The following SCARB2 variants were observed in gnomAD, a reference collection of about 807,000 sequenced individuals.
The protein encoded by SCARB2 is scavenger receptor class B member 2.
SCARB2 carries 29 observed loss-of-function variants against 58.6 expected under a neutral mutation model. The observed-to-expected ratio is 0.49, with a 90% CI of 0.37 to 0.67. The LOEUF is 0.67. Among genes scored for constraint, SCARB2 ranks in the 30% least tolerant of loss-of-function variants. SCARB2 has a pLI of 0.00. For synonymous variants in SCARB2, 195 were observed against 210.1 expected (o/e 0.93, Z 0.62); for missense variants, 488 against 578.5 (o/e 0.84, Z 1.60).
intron 1 of SCARB2, among the ~76,000 whole-genome samples, chr4:76,221,084 C>A (rs1293522821): frequency 6.6e-6 from 1 of 152,182 alleles, no homozygotes; most frequent in Non-Finnish European, 1.5e-5. Context: ...CTGCCTGGCA[C>A]CATGCAATCT....
intron 1 of SCARB2, among the ~76,000 whole-genome samples, chr4:76,202,718 C>T (rs185070736): frequency 6.2e-4 from 95 of 152,240 alleles, no homozygotes; most frequent in Non-Finnish European, 1.2e-3. Context: ...GTTTATTTCC[C>T]TCTGGTCTAG....
intron 1 of SCARB2, among the ~76,000 whole-genome samples, chr4:76,196,129 G>A (rs555111552): frequency 1.8e-4 from 27 of 152,296 alleles, no homozygotes; most frequent in Admixed American, 4.6e-4. Flanking sequence ...AGGCCAAGGC[G>A]GGCAGATCAC....
intron 4 of SCARB2, among the ~76,000 whole-genome samples, chr4:76,177,923 T>C (rs1732286941): frequency 6.6e-6 from 1 of 152,200 alleles, no homozygotes; most frequent in Non-Finnish European, 1.5e-5. Flanking sequence ...GTTTCTTTTT[T>C]GGGATAATGA....
At position 76,161,048 on chromosome 4, in the gene SCARB2, A is replaced by C. The variant is rs772445328; in HGVS notation, c.*665T>G. The C allele has an allele frequency of 3.9e-5, 6 of 152,918 alleles. No individual in the cohort carries two copies. Among genetic ancestry groups the C allele is most frequent in the Non-Finnish European group, 7.3e-5 (5 of 68,414 alleles). 9.5% of individuals were successfully genotyped at this position (152,918 alleles called of 1,614,324 possible). On this transcript the variant is annotated 3_prime_UTR_variant, in exon 12 of 12. Coordinates refer to ENST00000264896, the MANE Select transcript of SCARB2 (RefSeq NM_005506.4). ...AAAGTACAAGTTAAAAATCCTTAGGAGCTTATCACTATCAACTCATGGGTA... is the reference window on the plus strand; with the variant it reads ...AAAGTACAAGTTAAAAATCCTTAGGCGCTTATCACTATCAACTCATGGGTA...
At chr4:76,167,857 T>C (rs1732046528) in intron 9 of SCARB2, among the ~76,000 whole-genome samples, 1 of 152,026 alleles carries the variant, frequency 6.6e-6, no homozygotes. Flanking sequence ...AATTTTTGTA[T>C]TTTTAGTAGA....
In SCARB2 at chr4:76,159,969, A is replaced by G. The variant is rs1032246616; in HGVS notation, c.*1744T>C. On this transcript the variant is annotated 3_prime_UTR_variant, in exon 12 of 12. Transcript: ENST00000264896. The stretch of plus-strand genomic sequence containing the variant: ...CCAATTATCTAGTTAAATGTTGATA[A>G]ATTCTAAAAATGTAGATATTTAGCA... 6.6e-6 allele frequency: 1 copy of G among 152,212 alleles called. No individual in the cohort carries two copies. The highest frequency in any genetic ancestry group is 2.4e-5 in the African/African-American group (1 of 41,446). The allele number at this position is 152,212 out of a possible 1,614,324, so 9.4% of individuals were successfully genotyped here. A position where few individuals can be genotyped will look rare whatever the true frequency, so the allele number is the denominator to read the frequency against.
intron 1 of SCARB2, among the ~76,000 whole-genome samples, chr4:76,210,318 G>GA (rs1327426509): frequency 6.6e-6 from 1 of 151,860 alleles, no homozygotes; most frequent in Non-Finnish European, 1.5e-5. Flanking sequence ...CTTAGGGACA[G>GA]AAAAAAAATG....
intron 9 of SCARB2, among the ~76,000 whole-genome samples, chr4:76,167,881 C>T (rs1407047288): frequency 6.6e-6 from 1 of 152,048 alleles, no homozygotes; most frequent in Non-Finnish European, 1.5e-5. Context: ...GAGGTTTCAC[C>T]ATGTTGGCCA....
intron 7 of SCARB2, 146 bp from the exon 8 acceptor site, chr4:76,170,131 C>T (rs1252775358): frequency 7.3e-6 from 5 of 681,724 alleles, no homozygotes; most frequent in Non-Finnish European, 1.3e-5. Flanking sequence ...AAAACACCAT[C>T]CTTTACCTCC....
chr4:76,208,298 T>C (rs1446602009), intron 1 of SCARB2, among the ~76,000 whole-genome samples: 2 of 152,206 alleles, frequency 1.3e-5, no homozygotes, highest in African/African-American at 2.4e-5. Context: ...ATAAACTTAA[T>C]ATGATTTTGA....
chr4:76,217,791 T>C (rs1482511532), upstream of SCARB2: 1 of 407,174 alleles, frequency 2.5e-6, no homozygotes, highest in East Asian at 3.5e-5. Flanking sequence ...CAGAAGACTT[T>C]ATCTGAGAAG....
At position 76,163,444 on chromosome 4, in the gene SCARB2, G is replaced by A; in HGVS notation, c.1240-61C>T. On this transcript the variant is annotated intron_variant, in intron 10 of 11. Transcript: ENST00000264896. ...AACATCCAGTGTGTAACTGTTTTTTGCTATATCTTTCCTTTGTTTAATACA... is the reference window on the plus strand; with the variant it reads ...AACATCCAGTGTGTAACTGTTTTTTACTATATCTTTCCTTTGTTTAATACA... The A allele has an allele frequency of 2.5e-6, 4 of 1,584,384 alleles. No individual in the cohort carries two copies. In the South Asian group the frequency reaches 4.4e-5, roughly 18 times the overall value.
Position 76,173,934 on chromosome 4 carries a change from T to C in SCARB2, c.994+210A>G, listed in dbSNP as rs1162136183. On this transcript the variant is annotated intron_variant, in intron 7 of 11. Coordinates refer to ENST00000264896, the MANE Select transcript of SCARB2 (RefSeq NM_005506.4). ...ATTGGGCTGACAATATATTCTTTTT[T>C]GTTTGTTTTGTTTTTTAGAGACAGT... The C allele has an allele frequency of 8.0e-6, 5 of 625,268 alleles. No homozygotes were observed. In the Admixed American group the frequency reaches 1.0e-4, roughly 13 times the overall value. 38.7% of individuals were successfully genotyped at this position (625,268 alleles called of 1,614,324 possible). A position where few individuals can be genotyped will look rare whatever the true frequency, so the allele number is the denominator to read the frequency against.
chr4:76,222,843 C>T (rs1241962957), intron 1 of SCARB2, among the ~76,000 whole-genome samples: 1 of 152,144 alleles, frequency 6.6e-6, no homozygotes, highest in Admixed American at 6.5e-5. Context: ...CCATGGAGGA[C>T]TAGTAAGCCC....
At chr4:76,191,758 C>G (rs1732611662) in intron 2 of SCARB2, 2 of 136,358 alleles carry the variant, frequency 1.5e-5, no homozygotes, top group Non-Finnish European at 3.0e-5. Context: ...CTCCCTCCCT[C>G]CCTGTCTTTC....
intron 2 of SCARB2, among the ~76,000 whole-genome samples, chr4:76,186,422 T>C (rs562193423): frequency 1.4e-4 from 22 of 151,946 alleles, no homozygotes; most frequent in African/African-American, 5.1e-4. Context: ...AAAGGAGTAC[T>C]GAAGTCCTAG....
At chr4:76,213,367 C>G in intron 1 of SCARB2, 60 bp downstream of exon 1, 2 of 1,132,912 alleles carry the variant, frequency 1.8e-6, no homozygotes, top group Non-Finnish European at 2.7e-6. Context: ...GATGTAGCAG[C>G]AGGGATGGGA....
Position 76,221,741 on chromosome 4 carries a change from A to G in SCARB2, c.-358+12562T>C, listed in dbSNP as rs182631561. ...GGACACAAAGATGGGAACAATTGAC[A>G]CTGGAGACTACTTGAAGGAGGACGT... On this transcript the variant is annotated intron_variant, in intron 1 of 11. Coordinates refer to the SCARB2 transcript ENST00000638295. 3.0e-3 allele frequency among the ~76,000 whole-genome samples: 461 copies of G among 152,306 alleles called. 5 individuals are homozygous for G. Among genetic ancestry groups the G allele is most frequent in the Middle Eastern group, 0.014 (4 of 294 alleles).
intron 4 of SCARB2, chr4:76,179,306 G>A (rs1732329731): frequency 7.2e-6 from 4 of 554,136 alleles, no homozygotes; most frequent in East Asian, 3.1e-5. Context: ...CACCCACCTC[G>A]GTCTCCCAAA....
Sources: allele counts gnomAD v4.1 joint callset (sites outside exome capture counted in the v4.1 genomes callset), GRCh38; gene constraint gnomAD v4.1.1; transcripts MANE v1.5; gene names NCBI Gene and HGNC (gene_info 2026-07-23, HGNC 2026-07-21).